Variants in DNM3 observed in about 807,000 individuals in gnomAD.
DNM3 encodes the protein dynamin-3.
DNM3 carries 47 observed loss-of-function variants against 101.6 expected under a neutral mutation model. That is an observed-to-expected ratio of 0.46 (90% CI 0.37 to 0.59). The LOEUF is 0.59. Ranked by LOEUF, DNM3 falls within the 20% of genes least tolerant of loss-of-function variation. The pLI is 0.00. For missense variants in DNM3, 849 were observed against 1,085.7 expected (o/e 0.78, Z 3.06); for synonymous variants, 385 against 387.9 (o/e 0.99, Z 0.09).
chr1:172,006,977 C>A (rs2046736091), intron 4 of DNM3, among the ~76,000 whole-genome samples: 1 of 152,090 alleles, frequency 6.6e-6, no homozygotes, highest in Non-Finnish European at 1.5e-5. Context: ...CATGCTGCTG[C>A]ATGTTTTCAG....
chr1:171,981,819 G>A (rs1329088274), intron 2 of DNM3, among the ~76,000 whole-genome samples: 1 of 152,088 alleles, frequency 6.6e-6, no homozygotes, highest in African/African-American at 2.4e-5. Flanking sequence ...ATTTTATTTT[G>A]TGAAAATGAA....
chr1:172,051,696 T>C (rs1331328794), intron 10 of DNM3, among the ~76,000 whole-genome samples: 1 of 152,194 alleles, frequency 6.6e-6, no homozygotes, highest in Non-Finnish European at 1.5e-5. Context: ...GGTTGGAAAA[T>C]GTGTCTGGGC....
intron 2 of DNM3, among the ~76,000 whole-genome samples, chr1:171,924,634 C>T (rs59949348): frequency 0.039 from 5,960 of 152,192 alleles, 374 homozygotes; most frequent in African/African-American, 0.13. Context: ...GAAACTGCCC[C>T]CCATTAATTA....
chr1:171,877,143 G>C (rs939399003), intron 1 of DNM3, among the ~76,000 whole-genome samples: 1 of 152,114 alleles, frequency 6.6e-6, no homozygotes. Flanking sequence ...TTTAGGATAC[G>C]TCCTGAAACC....
intron 14 of DNM3, among the ~76,000 whole-genome samples, chr1:172,208,029 G>T (rs4497249): frequency 1.3e-5 from 2 of 148,820 alleles, no homozygotes; most frequent in Non-Finnish European, 3.0e-5. Flanking sequence ...TGTAGAAAGT[G>T]AAAAAAAAAA....
intron 1 of DNM3, among the ~76,000 whole-genome samples, chr1:171,867,135 A>AG (rs2125068118): frequency 6.6e-6 from 1 of 152,358 alleles, no homozygotes; most frequent in East Asian, 1.9e-4. Flanking sequence ...ACACTTAGGA[A>AG]GGGGGTAGGA....
intron 14 of DNM3, chr1:172,142,359 G>T (rs905343071): frequency 6.6e-6 from 1 of 152,046 alleles, no homozygotes; most frequent in Non-Finnish European, 1.5e-5. Flanking sequence ...CCTTCATTCA[G>T]CAGAGCTTTA....
chr1:172,301,270 G>A (rs575947277), intron 15 of DNM3, among the ~76,000 whole-genome samples: 2 of 152,208 alleles, frequency 1.3e-5, no homozygotes, highest in South Asian at 4.1e-4. Flanking sequence ...AGGAGGTCGA[G>A]GCAGGAGGAT....
chr1:172,096,191 A>G (rs141915744), intron 13 of DNM3, among the ~76,000 whole-genome samples: 36 of 152,268 alleles, frequency 2.4e-4, no homozygotes, highest in Non-Finnish European at 5.9e-5. Flanking sequence ...GTCTTTCACT[A>G]TCTATTACAT....
chr1:172,311,858 A>G (rs1179471959), intron 16 of DNM3, among the ~76,000 whole-genome samples: 1 of 152,244 alleles, frequency 6.6e-6, no homozygotes, highest in Non-Finnish European at 1.5e-5. Context: ...GAAGATCAAG[A>G]CAAACGAATT....
intron 2 of DNM3, among the ~76,000 whole-genome samples, chr1:171,975,821 G>A (rs1046966322): frequency 3.9e-5 from 6 of 152,096 alleles, no homozygotes; most frequent in African/African-American, 9.7e-5. Flanking sequence ...ATCTGATCTC[G>A]AGACTTATTA....
At chr1:172,074,640 A>G (rs1289535558) in intron 11 of DNM3, among the ~76,000 whole-genome samples, 1 of 152,226 alleles carries the variant, frequency 6.6e-6, no homozygotes, top group Non-Finnish European at 1.5e-5. Context: ...TGCAAAGGAC[A>G]TGAACTCATC....
In DNM3 at chr1:172,112,117, G is replaced by A. The variant is rs1255111438; in HGVS notation, c.1546-19058G>A. Among the ~76,000 whole-genome samples, 3 of 152,304 alleles carry A rather than the reference G, an allele frequency of 2.0e-5. No individual in the cohort carries two copies. In the South Asian group the frequency reaches 6.2e-4, roughly 32 times the overall value. On this transcript the variant is annotated intron_variant, in intron 13 of 20. Transcript: ENST00000627582. ...CTTTGTTCTTCAAAATAACCTTGCA[G>A]AGCATATACTCTTATCTTCATTTCG... is the stretch of plus-strand genomic sequence containing the variant.
intron 1 of DNM3, among the ~76,000 whole-genome samples, chr1:171,852,138 T>G (rs2033051362): frequency 6.6e-6 from 1 of 152,252 alleles, no homozygotes; most frequent in African/African-American, 2.4e-5. Flanking sequence ...TATGTACATG[T>G]AATACAAATT....
At chr1:172,416,510 T>C (rs1226196827), downstream of DNM3, among the ~76,000 whole-genome samples, 1 of 152,218 alleles carries the variant, frequency 6.6e-6, no homozygotes, top group Non-Finnish European at 1.5e-5. Context: ...GCAAACATTC[T>C]AGCTGTCAGT....
At chr1:172,096,926 G>A (rs183934579) in intron 13 of DNM3, among the ~76,000 whole-genome samples, 10 of 152,280 alleles carry the variant, frequency 6.6e-5, no homozygotes, top group Non-Finnish European at 1.3e-4. Flanking sequence ...AGAAACATTG[G>A]TTGCAGGTAG....
chr1:172,273,242 T>C lies in DNM3; in HGVS notation c.1769+19560T>C, dbSNP rs538983310. On this transcript the variant is annotated intron_variant, in intron 15 of 20. Coordinates refer to ENST00000627582, the MANE Select transcript of DNM3 (RefSeq NM_015569.5). The stretch of plus-strand genomic sequence containing the variant: ...AGCACTAACTCTGACATGTCAGTCT[T>C]ATCTTCTTCAATATCTTTAGATGTA... Among the ~76,000 whole-genome samples the C allele has an allele frequency of 6.4e-4, 97 of 152,142 alleles. No homozygotes were observed. The Middle Eastern group carries it at 0.014, about 21-fold the overall frequency.
intron 20 of DNM3, 32 bp from the exon 21 acceptor site, chr1:172,407,740 G>C: frequency 6.2e-7 from 1 of 1,604,610 alleles, no homozygotes; most frequent in Non-Finnish European, 8.5e-7. Flanking sequence ...TATTCTACTT[G>C]TTTCTTTACC....
At chr1:171,908,829 T>C (rs542066489) in intron 1 of DNM3, among the ~76,000 whole-genome samples, 1 of 152,302 alleles carries the variant, frequency 6.6e-6, no homozygotes, top group Non-Finnish European at 1.5e-5. Context: ...GTAGGAGATA[T>C]ATATTCCAAG....
Sources: gnomAD v4.1 joint callset for allele counts (sites outside exome capture counted in the v4.1 genomes callset) on GRCh38, gnomAD v4.1.1 for gene constraint, MANE v1.5 for transcripts, NCBI Gene and HGNC (gene_info 2026-07-23, HGNC 2026-07-21) for gene names.